KANK1: variants seen among roughly 807,000 people sequenced by gnomAD.
KANK1 encodes the protein KN motif and ankyrin repeat domain-containing protein 1.
A neutral mutation model predicts 106.2 loss-of-function variants in KANK1; 109 were observed. The ratio of observed to expected loss-of-function variants is 1.03; its 90% CI spans 0.88 to 1.20. KANK1 has a LOEUF of 1.20. Among genes scored for constraint, KANK1 ranks in the 50% most tolerant of loss-of-function variants. KANK1 has a pLI of 0.00. For missense variants in KANK1, 2,399 were observed against 1,710.7 expected, an observed-to-expected ratio of 1.40 and a Z score of -7.10; for synonymous variants, 873 against 652.2, an observed-to-expected ratio of 1.34 and a Z score of -5.16.
intron 1 of KANK1, among the ~76,000 whole-genome samples, chr9:663,386 C>G (rs1332975785): frequency 6.6e-6 from 1 of 152,192 alleles, no homozygotes; most frequent in Non-Finnish European, 1.5e-5. Context: ...GTTTAGGTGT[C>G]TGCCAGGGTC....
At chr9:614,075 T>A (rs1004128943) in intron 1 of KANK1, among the ~76,000 whole-genome samples, 1 of 152,048 alleles carries the variant, frequency 6.6e-6, no homozygotes, top group Non-Finnish European at 1.5e-5. Context: ...GCCAGCAGAG[T>A]GCTCAGTTCT....
intron 3 of KANK1, among the ~76,000 whole-genome samples, chr9:490,219 C>A (rs1587237373): frequency 6.6e-6 from 1 of 152,272 alleles, no homozygotes; most frequent in East Asian, 1.9e-4. Context: ...AACAAATAGA[C>A]AGTCAGGCAC....
chr9:556,589 T>C (rs1273332966), intron 1 of KANK1, among the ~76,000 whole-genome samples: 4 of 152,238 alleles, frequency 2.6e-5, no homozygotes, highest in Admixed American at 6.5e-5. Flanking sequence ...CATTACTTCA[T>C]TGATCCAAAG....
At chr9:580,998 G>A (rs1565790) in intron 1 of KANK1, among the ~76,000 whole-genome samples, 50,951 of 151,908 alleles carry the variant, frequency 0.34, 11,064 homozygotes, top group South Asian at 0.56. Flanking sequence ...CGCACCCTCC[G>A]CAGCTGCTGG....
At chr9:474,527 T>C (rs1225802561) in intron 3 of KANK1, among the ~76,000 whole-genome samples, 1 of 152,234 alleles carries the variant, frequency 6.6e-6, no homozygotes, top group South Asian at 2.1e-4. Flanking sequence ...GCGATTATTT[T>C]ATTTGATGAA....
intron 3 of KANK1, among the ~76,000 whole-genome samples, chr9:723,951 A>G (rs1182603731): frequency 6.6e-6 from 1 of 151,318 alleles, no homozygotes; most frequent in East Asian, 1.9e-4. Flanking sequence ...AAAAAAAAAA[A>G]AAGAAGCCAG....
At chr9:641,851 C>G (rs1838519860) in intron 1 of KANK1, among the ~76,000 whole-genome samples, 1 of 152,114 alleles carries the variant, frequency 6.6e-6, no homozygotes, top group East Asian at 1.9e-4. Flanking sequence ...TGCAGTCCAC[C>G]CTTTAAAGTA....
chr9:566,835 T>C (rs1323372980), intron 1 of KANK1, among the ~76,000 whole-genome samples: 1 of 152,256 alleles, frequency 6.6e-6, no homozygotes, highest in Non-Finnish European at 1.5e-5. Context: ...TCTTTTGCTG[T>C]GCAGAAGCCT....
At chr9:696,697 C>G (rs1035164069) in intron 2 of KANK1, among the ~76,000 whole-genome samples, 2 of 152,100 alleles carry the variant, frequency 1.3e-5, no homozygotes, top group Non-Finnish European at 2.9e-5. Context: ...AGCTTTTAGG[C>G]TTTCTTCTTT....
At chr9:681,474 G>A (rs1817541287) in intron 2 of KANK1, among the ~76,000 whole-genome samples, 1 of 152,098 alleles carries the variant, frequency 6.6e-6, no homozygotes, top group Admixed American at 6.5e-5. Context: ...AAACACTAAT[G>A]TTGTGAAACT....
At chr9:636,031 G>T (rs1274130032) in intron 1 of KANK1, among the ~76,000 whole-genome samples, 1 of 152,068 alleles carries the variant, frequency 6.6e-6, no homozygotes, top group East Asian at 1.9e-4. Flanking sequence ...ATAGCCTTTA[G>T]ATTTTCATAG....
At chr9:738,646 AT>A in intron 8 of KANK1, 142 bp downstream of exon 8, 1 of 675,288 alleles carries the variant, frequency 1.5e-6, no homozygotes, top group East Asian at 2.7e-5. Context: ...CATGGCAAGA[AT>A]TTTCTTGAGT....
intron 1 of KANK1, among the ~76,000 whole-genome samples, chr9:653,014 C>T (rs1333410259): frequency 1.3e-5 from 2 of 152,192 alleles, no homozygotes; most frequent in African/African-American, 2.4e-5. Flanking sequence ...AAGCTTTCTG[C>T]GCACAGCTGG....
rs145402550 is a variant in KANK1, at chr9:560,865, C to T, written c.-84+56111C>T. 1.9e-3 allele frequency among the ~76,000 whole-genome samples: 295 copies of T among 152,078 alleles called. 2 individuals are homozygous for T. The highest frequency in any genetic ancestry group is 6.6e-3 in the African/African-American group (274 of 41,482). ...TCTACTGAATGCAGCTTCCTAGAGT[C>T]GGGGGAAAGTTGCATGTTTATAGAA... On this transcript the variant is annotated intron_variant, in intron 1 of 11. Transcript: ENST00000382297.
chr9:516,330 G>C (rs1306019833), intron 1 of KANK1, among the ~76,000 whole-genome samples: 1 of 151,740 alleles, frequency 6.6e-6, no homozygotes, highest in African/African-American at 2.4e-5. Flanking sequence ...TTCCTATCAA[G>C]AAAAGGTGGT....
Position 740,902 on chromosome 9 carries a change from G to T in KANK1, c.3664G>T (p.Gly1222Cys). 1.2e-6 allele frequency: 2 copies of T among 1,614,192 alleles called. No individual in the cohort carries two copies. The highest frequency in any genetic ancestry group is 1.7e-6 in the Non-Finnish European group (2 of 1,180,032). The change falls in exon 9 of 12, where the codon GGC becomes TGC. Residue 1222 changes from glycine to cysteine, a missense_variant. By Grantham distance (159) the Gly-to-Cys change is radical. Coordinates refer to ENST00000382297, the MANE Select transcript of KANK1 (RefSeq NM_015158.5). ...CATGCGGATTGTGGAAGAACTCTTC[G>T]GCTGTGGGGATGTGAATGCCAAAGC... ...KDMRIVEELF[G>C]CGDVNAKASQ...
chr9:589,895 A>G (rs190151852), intron 1 of KANK1, among the ~76,000 whole-genome samples: 179 of 152,316 alleles, frequency 1.2e-3, no homozygotes, highest in African/African-American at 4.0e-3. Context: ...GGACCCAGAT[A>G]AAAACGTCTG....
At chr9:544,573 C>A (rs571239873) in intron 1 of KANK1, among the ~76,000 whole-genome samples, 1 of 152,258 alleles carries the variant, frequency 6.6e-6, no homozygotes, top group East Asian at 1.9e-4. Context: ...AAAGTGAGGA[C>A]GTAACATATT....
intron 1 of KANK1, among the ~76,000 whole-genome samples, chr9:632,681 GTGTTT>G (rs967511330): frequency 1.3e-5 from 2 of 151,988 alleles, no homozygotes; most frequent in Non-Finnish European, 2.9e-5. Context: ...AATGAGAGTG[GTGTTT>G]TGTTTTGTTT....
Sources: gnomAD v4.1 joint callset for allele counts (sites outside exome capture counted in the v4.1 genomes callset) on GRCh38, gnomAD v4.1.1 for gene constraint, MANE v1.5 for transcripts, NCBI Gene and HGNC (gene_info 2026-07-23, HGNC 2026-07-21) for gene names.